CFAP54: variants seen among roughly 807,000 people sequenced by gnomAD.
The protein encoded by CFAP54 is cilia- and flagella-associated protein 54.
CFAP54 carries 290 observed loss-of-function variants against 370.4 expected under a neutral mutation model. That is an observed-to-expected ratio of 0.78 (90% CI 0.71 to 0.86). The LOEUF is 0.86. Ranked by LOEUF, CFAP54 falls within the 40% of genes least tolerant of loss-of-function variation. The pLI is 0.00. For missense variants in CFAP54, 3,399 were observed against 3,528.7 expected (o/e 0.96, Z 0.93); for synonymous variants, 1,206 against 1,236.5 (o/e 0.98, Z 0.52).
chr12:96,771,609 G>A (rs539964697), intron 60 of CFAP54, among the ~76,000 whole-genome samples: 4 of 152,014 alleles, frequency 2.6e-5, no homozygotes, highest in African/African-American at 7.2e-5. Context: ...CCGAGATAGC[G>A]CCACTGCACT....
At chr12:96,652,539 G>A (rs1329219569) in intron 36 of CFAP54, among the ~76,000 whole-genome samples, 1 of 152,166 alleles carries the variant, frequency 6.6e-6, no homozygotes, top group Non-Finnish European at 1.5e-5. Flanking sequence ...GGAAGATTAA[G>A]TAATGCTCAG....
chr12:96,667,090 C>T (rs1957089044), intron 39 of CFAP54, among the ~76,000 whole-genome samples: 1 of 152,250 alleles, frequency 6.6e-6, no homozygotes, highest in East Asian at 1.9e-4. Context: ...CCATGTCTTA[C>T]ATCCAGGCCA....
chr12:96,534,137 G>A lies in CFAP54; in HGVS notation c.1615G>A (p.Val539Met), dbSNP rs969109341. ...GATTGCAATGGAACCACTAATCAAC[G>A]TGAAGAGAAACAAAGGTTTGATCTT... Reference protein sequence around the residue: ...LLIAMEPLINVKRNKGLIFPL... With the variant: ...LLIAMEPLINMKRNKGLIFPL... Residue 539 changes from valine to methionine, a missense_variant, in exon 11 of 68, where the codon GTG (valine) becomes ATG (methionine). This residue lies in a region of CFAP54 where 44 missense variants were observed against 82.3 expected (regional missense o/e 0.53). Transcript: ENST00000524981. The A allele has an allele frequency of 1.3e-6, 2 of 1,531,858 alleles. No individual in the cohort carries two copies. The highest frequency in any genetic ancestry group is 1.7e-6 in the Non-Finnish European group (2 of 1,143,738). The allele number at this position is 1,531,858 out of a possible 1,614,324, so 94.9% of individuals were successfully genotyped here.
At chr12:96,864,403 C>G (rs1383296634) in intron 67 of CFAP54, among the ~76,000 whole-genome samples, 1 of 152,156 alleles carries the variant, frequency 6.6e-6, no homozygotes. Context: ...AAATTGACCA[C>G]TGGCCAGCTA....
intron 46 of CFAP54, among the ~76,000 whole-genome samples, 192 bp from the exon 47 acceptor site, chr12:96,704,551 T>C (rs1395678425): frequency 6.9e-6 from 1 of 144,684 alleles, no homozygotes; most frequent in Non-Finnish European, 1.5e-5. Context: ...AATATTAACA[T>C]TGTAATTCTT....
At chr12:96,532,619 A>G (rs931195147) in intron 9 of CFAP54, among the ~76,000 whole-genome samples, 1 of 151,766 alleles carries the variant, frequency 6.6e-6, no homozygotes, top group African/African-American at 2.4e-5. Context: ...TGGTCCCATT[A>G]TACCGTGCCC....
rs762001494 is a variant in CFAP54 at position 96,693,705 on chromosome 12, T to G, written c.6265-17T>G. On this transcript the variant is annotated splice_polypyrimidine_tract_variant and intron_variant, in intron 44 of 67. Coordinates refer to ENST00000524981, the MANE Select transcript of CFAP54 (RefSeq NM_001306084.2). ...ATAAAATATATTTTGAAACAAAGAGTGTTTTTCTCCTGATAGGTTCTGCCT... is the reference window on the plus strand; with the variant it reads ...ATAAAATATATTTTGAAACAAAGAGGGTTTTTCTCCTGATAGGTTCTGCCT... 2 of 1,459,492 alleles carry G rather than the reference T, an allele frequency of 1.4e-6. No individual in the cohort carries two copies. Among genetic ancestry groups the G allele is most frequent in the Non-Finnish European group, 1.9e-6 (2 of 1,058,746 alleles). 90.4% of individuals were successfully genotyped at this position (1,459,492 alleles called of 1,614,324 possible).
chr12:96,650,196 C>T (rs1363915495), intron 35 of CFAP54, 124 bp downstream of exon 35: 44 of 830,704 alleles, frequency 5.3e-5, no homozygotes, highest in East Asian at 2.7e-5. Context: ...TTTGAGATCT[C>T]ATCTTGCTGG....
intron 44 of CFAP54, 151 bp from the exon 45 acceptor site, chr12:96,693,571 A>G (rs1957410987): frequency 1.9e-6 from 1 of 517,338 alleles, no homozygotes; most frequent in Non-Finnish European, 3.4e-6. Context: ...TAGATAGATT[A>G]TTTCACTTAT....
intron 26 of CFAP54, among the ~76,000 whole-genome samples, chr12:96,608,361 AT>A (rs1235126437): frequency 6.6e-6 from 1 of 150,498 alleles, no homozygotes; most frequent in Non-Finnish European, 1.5e-5. Flanking sequence ...ATATAAAATT[AT>A]TTTTTGATAG....
chr12:96,853,544 ATTTTTACTTAAAAGAATTTTTAC>A (rs1959614634), intron 66 of CFAP54, among the ~76,000 whole-genome samples: 1 of 152,196 alleles, frequency 6.6e-6, no homozygotes. Context: ...AATCAGAAGA[ATTTTTACTTAAAAGAATTTTTAC>A]TTTTTACTTA....
chr12:96,682,563 A>C (rs1957284394), intron 40 of CFAP54, among the ~76,000 whole-genome samples: 1 of 151,894 alleles, frequency 6.6e-6, no homozygotes, highest in Non-Finnish European at 1.5e-5. Flanking sequence ...TTTTGTAGAG[A>C]TAGAGTTTTG....
At chr12:96,623,453 GAC>G (rs1347696465) in intron 27 of CFAP54, among the ~76,000 whole-genome samples, 5 of 152,162 alleles carry the variant, frequency 3.3e-5, no homozygotes, top group African/African-American at 1.2e-4. Context: ...GATTTTTAGA[GAC>G]ATAGCCTCAG....
At chr12:96,753,613 C>A in intron 55 of CFAP54, 130 bp from the exon 56 acceptor site, 1 of 848,900 alleles carries the variant, frequency 1.2e-6, no homozygotes, top group Non-Finnish European at 1.8e-6. Flanking sequence ...TTCTTGGATG[C>A]TAAAAACTGT....
intron 17 of CFAP54, among the ~76,000 whole-genome samples, chr12:96,555,159 A>G (rs1281688958): frequency 6.6e-6 from 1 of 152,080 alleles, no homozygotes; most frequent in African/African-American, 2.4e-5. Flanking sequence ...GAGCTTCTAG[A>G]TGAGTAAGCC....
chr12:96,714,550 G>C (rs2136600277), intron 48 of CFAP54, among the ~76,000 whole-genome samples: 1 of 152,304 alleles, frequency 6.6e-6, no homozygotes, highest in East Asian at 1.9e-4. Context: ...AAAGGAGACT[G>C]AGAAAGGATG....
At chr12:96,582,009 A>G (rs1463302527) in intron 22 of CFAP54, among the ~76,000 whole-genome samples, 10 of 152,190 alleles carry the variant, frequency 6.6e-5, no homozygotes, top group African/African-American at 1.9e-4. Flanking sequence ...GTAAATTTAT[A>G]AAAGTAAAAC....
intron 9 of CFAP54, among the ~76,000 whole-genome samples, chr12:96,531,735 G>A (rs1955442113): frequency 6.6e-6 from 1 of 151,938 alleles, no homozygotes; most frequent in Non-Finnish European, 1.5e-5. Context: ...TTTGTTGTTT[G>A]TTTGTTTGAG....
At chr12:96,534,000 GT>G (rs5800251) in intron 10 of CFAP54, 27 bp downstream of exon 10, 635,152 of 1,404,450 alleles carry the variant, frequency 0.45, 137,284 homozygotes, top group Non-Finnish European at 0.47. Flanking sequence ...TATCCTCCTG[GT>G]TTTTTTTTTG....
Sources: gnomAD v4.1 joint callset for allele counts (sites outside exome capture counted in the v4.1 genomes callset) on GRCh38, gnomAD v4.1.1 for gene constraint, gnomAD v4.1.1 regional missense constraint, MANE v1.5 for transcripts, NCBI Gene and HGNC (gene_info 2026-07-23, HGNC 2026-07-21) for gene names.